Variants in DLG2 observed in about 807,000 individuals in gnomAD.
DLG2 encodes the protein discs large MAGUK scaffold protein 2.
DLG2 carries 45 observed loss-of-function variants against 132.5 expected under a neutral mutation model. The observed-to-expected ratio is 0.34, with a 90% CI of 0.27 to 0.44. DLG2 has a LOEUF of 0.44. Ranked by LOEUF, DLG2 falls within the 20% of genes least tolerant of loss-of-function variation. The pLI is 1.00. For missense variants in DLG2, 1,045 were observed against 1,196.9 expected (o/e 0.87, Z 1.87); for synonymous variants, 424 against 419.6 (o/e 1.01, Z -0.13).
intron 3 of DLG2, among the ~76,000 whole-genome samples, chr11:85,445,503 C>T (rs559257821): frequency 6.6e-6 from 1 of 152,244 alleles, no homozygotes; most frequent in South Asian, 2.1e-4. Flanking sequence ...CATGGTGAAA[C>T]CCCGTCTCTA....
intron 7 of DLG2, among the ~76,000 whole-genome samples, chr11:84,326,118 T>G (rs1253175055): frequency 6.6e-6 from 1 of 152,076 alleles, no homozygotes; most frequent in Non-Finnish European, 1.5e-5. Context: ...TTTAGCTATT[T>G]GAGCCTTCTC....
At chr11:84,188,984 A>T (rs1597039990) in intron 8 of DLG2, among the ~76,000 whole-genome samples, 1 of 152,170 alleles carries the variant, frequency 6.6e-6, no homozygotes, top group Admixed American at 6.5e-5. Context: ...AAGCCCATTA[A>T]CTAATAAAAT....
intron 8 of DLG2, among the ~76,000 whole-genome samples, chr11:84,213,507 T>TA (rs751620935): frequency 6.6e-6 from 1 of 152,040 alleles, no homozygotes; most frequent in Non-Finnish European, 1.5e-5. Flanking sequence ...TTTCCAGACT[T>TA]AAGACCTACT....
chr11:84,308,888 G>A (rs2098259078), intron 7 of DLG2, among the ~76,000 whole-genome samples: 1 of 152,150 alleles, frequency 6.6e-6, no homozygotes, highest in Non-Finnish European at 1.5e-5. Flanking sequence ...CAAGCATGGC[G>A]CGCAGCCCCA....
At chr11:84,603,903 T>C (rs1329303244) in intron 6 of DLG2, among the ~76,000 whole-genome samples, 4 of 151,948 alleles carry the variant, frequency 2.6e-5, no homozygotes, top group Admixed American at 1.3e-4. Flanking sequence ...TATTCAATAA[T>C]ACACAATGAT....
intron 18 of DLG2, among the ~76,000 whole-genome samples, chr11:83,678,879 G>A (rs969239418): frequency 1.3e-5 from 2 of 152,084 alleles, no homozygotes; most frequent in African/African-American, 2.4e-5. Context: ...GGTAAAAATA[G>A]GAGAGATGGC....
At chr11:85,449,853 C>T (rs576402112) in intron 3 of DLG2, among the ~76,000 whole-genome samples, 108 of 150,824 alleles carry the variant, frequency 7.2e-4, no homozygotes, top group African/African-American at 2.5e-3. Flanking sequence ...TTTGACTAGG[C>T]ACAGTGGGTC....
intron 6 of DLG2, among the ~76,000 whole-genome samples, chr11:85,097,625 T>C (rs2152254885): frequency 6.6e-6 from 1 of 152,304 alleles, no homozygotes; most frequent in Non-Finnish European, 1.5e-5. Flanking sequence ...ATTTTCCTCT[T>C]TTCCATTGTT....
At chr11:83,940,842 T>C (rs2082489421) in intron 14 of DLG2, among the ~76,000 whole-genome samples, 1 of 152,204 alleles carries the variant, frequency 6.6e-6, no homozygotes, top group South Asian at 2.1e-4. Flanking sequence ...GCTTGGGTCT[T>C]AGGGCCTTAC....
At chr11:84,161,170 T>C (rs926435661) in intron 9 of DLG2, among the ~76,000 whole-genome samples, 3 of 151,974 alleles carry the variant, frequency 2.0e-5, no homozygotes, top group Non-Finnish European at 4.4e-5. Flanking sequence ...TAAGCTAACT[T>C]GGACTGGGGT....
chr11:85,068,549 C>T (rs1197999959), intron 6 of DLG2, among the ~76,000 whole-genome samples: 1 of 152,054 alleles, frequency 6.6e-6, no homozygotes, highest in African/African-American at 2.4e-5. Flanking sequence ...CTCCCATTCA[C>T]AACTGCTTCA....
chr11:84,901,598 C>T (rs1026636864), intron 6 of DLG2, among the ~76,000 whole-genome samples: 1 of 152,084 alleles, frequency 6.6e-6, no homozygotes, highest in Non-Finnish European at 1.5e-5. Flanking sequence ...TAAAATCAAA[C>T]TTCTTTCAGA....
At chr11:85,195,660 A>G (rs1209055995) in intron 4 of DLG2, among the ~76,000 whole-genome samples, 1 of 151,114 alleles carries the variant, frequency 6.6e-6, no homozygotes, top group African/African-American at 2.4e-5. Flanking sequence ...AGTAGCTGGG[A>G]CTACAGGCGC....
At chr11:83,960,636 AT>A (rs34317339) in intron 14 of DLG2, among the ~76,000 whole-genome samples, 8,332 of 145,612 alleles carry the variant, frequency 0.057, 477 homozygotes, top group African/African-American at 0.15. Context: ...TGATTTACAC[AT>A]TTTTTTTTTT....
chr11:84,342,087 T>C (rs1026337901), intron 7 of DLG2, among the ~76,000 whole-genome samples: 13 of 152,130 alleles, frequency 8.5e-5, no homozygotes, highest in Admixed American at 2.0e-4. Flanking sequence ...AGGGTACTTT[T>C]CTATAAGCAC....
At chr11:85,224,893 A>G (rs946217940) in intron 4 of DLG2, among the ~76,000 whole-genome samples, 6 of 152,220 alleles carry the variant, frequency 3.9e-5, no homozygotes, top group Non-Finnish European at 8.8e-5. Flanking sequence ...AGTATAAACA[A>G]CAATTTCTCA....
intron 18 of DLG2, chr11:83,725,105 G>A (rs2089741126): frequency 1.8e-6 from 1 of 542,124 alleles, no homozygotes; most frequent in Non-Finnish European, 3.3e-6. Context: ...TTGAAAGATG[G>A]GATTATTTTC....
chr11:84,210,851 A>T (rs926416812), intron 8 of DLG2, among the ~76,000 whole-genome samples: 8 of 152,214 alleles, frequency 5.3e-5, no homozygotes, highest in Admixed American at 3.9e-4. Context: ...CAGACTGAAA[A>T]AAAGAAAAGA....
intron 7 of DLG2, among the ~76,000 whole-genome samples, chr11:84,305,048 A>G (rs188352093): frequency 2.2e-4 from 33 of 151,574 alleles, no homozygotes; most frequent in African/African-American, 7.0e-4. Context: ...AAGAAGAAAT[A>G]AAAAAAAAGT....
Sources: allele counts gnomAD v4.1 joint callset (sites outside exome capture counted in the v4.1 genomes callset), GRCh38; gene constraint gnomAD v4.1.1; transcripts MANE v1.5; gene names NCBI Gene and HGNC (gene_info 2026-07-23, HGNC 2026-07-21).